ITPR2: variants seen among roughly 807,000 people sequenced by gnomAD.
ITPR2 encodes the protein inositol 1,4,5-trisphosphate-gated calcium channel ITPR2.
In ITPR2, 207 loss-of-function variants were observed where a neutral mutation model predicts 317.1. The observed-to-expected ratio is 0.65, with a 90% confidence interval of 0.58 to 0.73. ITPR2 has a LOEUF of 0.73. Ranked by LOEUF, ITPR2 falls within the 30% of genes least tolerant of loss-of-function variation. ITPR2 has a pLI of 0.00. For missense variants in ITPR2, 2,613 were observed against 3,284.0 expected (o/e 0.80, Z 4.99); for synonymous variants, 1,156 against 1,149.1 (o/e 1.01, Z -0.12).
intron 48 of ITPR2, among the ~76,000 whole-genome samples, chr12:26,433,933 C>G (rs1163317964): frequency 6.6e-6 from 1 of 152,084 alleles, no homozygotes; most frequent in African/African-American, 2.4e-5. Flanking sequence ...ATTTTGCTTT[C>G]TGAATTTTCT....
At chr12:26,742,346 A>G (rs1949245595) in intron 2 of ITPR2, among the ~76,000 whole-genome samples, 1 of 152,258 alleles carries the variant, frequency 6.6e-6, no homozygotes, top group Admixed American at 6.5e-5. Flanking sequence ...TTGAACAAAG[A>G]AACAGCCACA....
At chr12:26,503,190 A>ACACACACACAC (rs10529227) in intron 37 of ITPR2, among the ~76,000 whole-genome samples, 4 of 139,122 alleles carry the variant, frequency 2.9e-5, no homozygotes, top group African/African-American at 5.4e-5. Flanking sequence ...GCCCCCCACC[A>ACACACACACAC]ACACACACAC....
At chr12:26,344,494 G>A (rs1247146643) in intron 55 of ITPR2, among the ~76,000 whole-genome samples, 1 of 152,210 alleles carries the variant, frequency 6.6e-6, no homozygotes, top group Admixed American at 6.5e-5. Context: ...CAGATAGTGT[G>A]TGAGCATTTG....
In ITPR2 at chr12:26,516,274, AGGG is replaced by A. The variant is rs1297276047; in HGVS notation, c.5074-21017_5074-21015del. 6.4e-3 allele frequency among the ~76,000 whole-genome samples: 268 copies of A among 42,146 alleles called. 12 individuals carry two copies. Among genetic ancestry groups the A allele is most frequent in the South Asian group, 0.014 (13 of 906 alleles). 27.6% of individuals were successfully genotyped at this position (42,146 alleles called of 152,430 possible). A position where few individuals can be genotyped will look rare whatever the true frequency, so the allele number is the denominator to read the frequency against. On this transcript the variant is annotated intron_variant, in intron 37 of 56. Coordinates refer to ENST00000381340, the MANE Select transcript of ITPR2 (RefSeq NM_002223.4). ...AAGGAAAGGAAAGGAAAGGAAAGGAAGGGAAGGGAAGGGAAAGGAAAGGAAAGG... is the reference window on the plus strand; with the variant it reads ...AAGGAAAGGAAAGGAAAGGAAAGGAAAAGGGAAGGGAAAGGAAAGGAAAGG...
At chr12:26,746,072 C>A (rs1949317242) in intron 2 of ITPR2, among the ~76,000 whole-genome samples, 1 of 151,998 alleles carries the variant, frequency 6.6e-6, no homozygotes, top group Non-Finnish European at 1.5e-5. Flanking sequence ...TCAAAGACTA[C>A]ACATTAAATT....
rs371159924 is a variant in ITPR2 at position 26,611,812 on chromosome 12, C to T, written c.3463-9106G>A. Among the ~76,000 whole-genome samples the T allele has an allele frequency of 1.2e-4, 18 of 152,274 alleles. No individual in the cohort carries two copies. The East Asian group carries it at 1.3e-3, about 11-fold the overall frequency. On this transcript the variant is annotated intron_variant, in intron 26 of 56. Transcript: ENST00000381340. ...ACTTAACCTACTCGGATACGGTTTC[C>T]TGAGTTAATCTCTCCTTCCTATATT... is the stretch of plus-strand genomic sequence containing the variant.
intron 49 of ITPR2, 41 bp from the exon 50 acceptor site, chr12:26,419,254 C>T: frequency 6.4e-7 from 1 of 1,571,128 alleles, no homozygotes; most frequent in Non-Finnish European, 8.7e-7. Flanking sequence ...TCTTATTTAT[C>T]CTGAAACCCA....
At chr12:26,688,023 T>C (rs1222842392) in intron 10 of ITPR2, among the ~76,000 whole-genome samples, 1 of 152,118 alleles carries the variant, frequency 6.6e-6, no homozygotes, top group Non-Finnish European at 1.5e-5. Context: ...GCAGAAACAG[T>C]TAGCAAATAA....
At chr12:26,362,745 A>G (rs957945290) in intron 55 of ITPR2, among the ~76,000 whole-genome samples, 1 of 152,168 alleles carries the variant, frequency 6.6e-6, no homozygotes, top group African/African-American at 2.4e-5. Context: ...CCCAACCATT[A>G]TCGAGTTACC....
chr12:26,520,345 A>AG (rs1943631037), intron 37 of ITPR2, among the ~76,000 whole-genome samples: 1 of 152,126 alleles, frequency 6.6e-6, no homozygotes, highest in Non-Finnish European at 1.5e-5. Context: ...AAGGAAGAAG[A>AG]GACTTGTTCC....
chr12:26,546,439 G>A (rs768130981), intron 37 of ITPR2, among the ~76,000 whole-genome samples: 4 of 152,068 alleles, frequency 2.6e-5, no homozygotes, highest in Non-Finnish European at 5.9e-5. Context: ...GTGAGAACAT[G>A]TAGTATTTGT....
chr12:26,385,926 C>A (rs575077213), intron 55 of ITPR2, among the ~76,000 whole-genome samples: 1 of 152,064 alleles, frequency 6.6e-6, no homozygotes, highest in African/African-American at 2.4e-5. Flanking sequence ...TTGTTATTCC[C>A]CCCTTCCTCT....
intron 37 of ITPR2, among the ~76,000 whole-genome samples, chr12:26,516,280 G>GGAAAGGAAAGGAAA (rs1565574580): frequency 6.6e-5 from 3 of 45,190 alleles, no homozygotes; most frequent in Non-Finnish European, 1.1e-4. Context: ...AGGAAGGGAA[G>GGAAAGGAAAGGAAA]GGAAGGGAAA....
At chr12:26,811,954 G>A (rs1200755659) in intron 1 of ITPR2, among the ~76,000 whole-genome samples, 3 of 151,416 alleles carry the variant, frequency 2.0e-5, no homozygotes, top group Non-Finnish European at 4.4e-5. Context: ...TTGAGGCCAG[G>A]AGTTCAAGAC....
intron 35 of ITPR2, among the ~76,000 whole-genome samples, chr12:26,558,311 A>C (rs567895418): frequency 1.1e-4 from 17 of 152,306 alleles, no homozygotes; most frequent in African/African-American, 3.1e-4. Context: ...TTTGGTCATG[A>C]GGCAACTATG....
intron 2 of ITPR2, among the ~76,000 whole-genome samples, chr12:26,770,370 T>C (rs921304709): frequency 6.6e-6 from 1 of 152,316 alleles, no homozygotes; most frequent in Middle Eastern, 3.4e-3. Context: ...TGCTATTTCA[T>C]ACCTCTGTGC....
At chr12:26,651,280 A>G (rs1055028592) in intron 21 of ITPR2, among the ~76,000 whole-genome samples, 2 of 151,098 alleles carry the variant, frequency 1.3e-5, no homozygotes, top group African/African-American at 4.9e-5. Context: ...CACCCTCATC[A>G]CTTGTTTCTT....
chr12:26,738,989 C>G (rs972395993), intron 2 of ITPR2, among the ~76,000 whole-genome samples: 1 of 152,164 alleles, frequency 6.6e-6, no homozygotes. Flanking sequence ...TAAAAGAAGA[C>G]ATACAATCCA....
At chr12:26,376,023 C>T (rs1447084858) in intron 55 of ITPR2, among the ~76,000 whole-genome samples, 1 of 152,168 alleles carries the variant, frequency 6.6e-6, no homozygotes, top group Non-Finnish European at 1.5e-5. Flanking sequence ...TCACCTGAGC[C>T]TTGGGAGGCC....
Sources: allele counts gnomAD v4.1 joint callset (sites outside exome capture counted in the v4.1 genomes callset), GRCh38; gene constraint gnomAD v4.1.1; transcripts MANE v1.5; gene names NCBI Gene and HGNC (gene_info 2026-07-23, HGNC 2026-07-21).